Variants in ZNF521 observed in about 807,000 individuals in gnomAD.
The protein encoded by ZNF521 is zinc finger protein 521, also known as LYST-interacting protein 3.
ZNF521 carries 14 observed loss-of-function variants against 105.5 expected under a neutral mutation model. The ratio of observed to expected loss-of-function variants is 0.13; its 90% CI spans 0.09 to 0.21. The LOEUF (loss-of-function observed/expected upper bound fraction) is 0.21. Among genes scored for constraint, ZNF521 ranks in the 10% least tolerant of loss-of-function variants. The pLI, the probability that ZNF521 is intolerant of heterozygous loss-of-function variation, is 1.00. For missense variants in ZNF521, 1,233 were observed against 1,629.7 expected, an observed-to-expected ratio of 0.76 and a Z score of 4.19; for synonymous variants, 635 against 606.0, an observed-to-expected ratio of 1.05 and a Z score of -0.70.
chr18:25,078,141 C>T (rs550579304), intron 7 of ZNF521, among the ~76,000 whole-genome samples: 1 of 152,236 alleles, frequency 6.6e-6, no homozygotes, highest in East Asian at 1.9e-4. Context: ...AGGAGTTATT[C>T]AATCAGCCCG....
intron 2 of ZNF521, among the ~76,000 whole-genome samples, chr18:25,349,606 G>A (rs990906104): frequency 6.6e-6 from 1 of 152,030 alleles, no homozygotes; most frequent in South Asian, 2.1e-4. Context: ...CCGGGGGCCG[G>A]GAGGCGTGGG....
intron 3 of ZNF521, among the ~76,000 whole-genome samples, chr18:25,314,864 C>T (rs746096857): frequency 3.3e-5 from 5 of 152,202 alleles, no homozygotes; most frequent in Non-Finnish European, 5.9e-5. Context: ...TAGAGTATTA[C>T]CAAATGCACT....
intron 5 of ZNF521, among the ~76,000 whole-genome samples, chr18:25,130,764 G>A (rs1333363594): frequency 6.6e-6 from 1 of 151,962 alleles, no homozygotes; most frequent in Non-Finnish European, 1.5e-5. Flanking sequence ...GCAACATAGC[G>A]AGACCCCATC....
rs539017042 is a variant in ZNF521 at position 25,188,444 on chromosome 18, G to A, written c.3658+6716C>T. On this transcript the variant is annotated intron_variant, in intron 5 of 7. Transcript: ENST00000361524. ...ACCTTTTCCTTTGATGTGTGTGAAC[G>A]GATTCTGTGGAAATAGGTCACGATG... Among the ~76,000 whole-genome samples the A allele has an allele frequency of 3.3e-5, 5 of 152,262 alleles. No individual in the cohort carries two copies. In the South Asian group the frequency reaches 1.0e-3, roughly 32 times the overall value.
At chr18:25,349,600 G>C (rs1914617805) in intron 2 of ZNF521, among the ~76,000 whole-genome samples, 1 of 152,108 alleles carries the variant, frequency 6.6e-6, no homozygotes, top group Non-Finnish European at 1.5e-5. Flanking sequence ...CAGCGGCCGG[G>C]GGCCGGGAGG....
chr18:25,162,086 G>A (rs924428351), intron 5 of ZNF521, among the ~76,000 whole-genome samples: 6 of 152,050 alleles, frequency 3.9e-5, no homozygotes, highest in Non-Finnish European at 8.8e-5. Flanking sequence ...TCCATTGCTG[G>A]GTCACTCTTT....
chr18:25,240,508 A>G (rs1907239634), intron 3 of ZNF521, among the ~76,000 whole-genome samples: 2 of 152,202 alleles, frequency 1.3e-5, no homozygotes, highest in Non-Finnish European at 2.9e-5. Context: ...CATAAACACG[A>G]GAGGGCTGTC....
chr18:25,256,256 G>A (rs1908494808), intron 3 of ZNF521, among the ~76,000 whole-genome samples: 1 of 151,890 alleles, frequency 6.6e-6, no homozygotes, highest in Non-Finnish European at 1.5e-5. Context: ...AGGGGCTGGG[G>A]AGAGACGGAG....
At chr18:25,097,157 C>T (rs957169120) in intron 5 of ZNF521, among the ~76,000 whole-genome samples, 14 of 152,092 alleles carry the variant, frequency 9.2e-5, no homozygotes, top group African/African-American at 3.4e-4. Context: ...TACATTGGCT[C>T]GCCCTAGAAA....
At chr18:25,073,941 A>G (rs1442430713) in intron 7 of ZNF521, among the ~76,000 whole-genome samples, 1 of 152,140 alleles carries the variant, frequency 6.6e-6, no homozygotes, top group Non-Finnish European at 1.5e-5. Context: ...TGCTTTGGTA[A>G]AGATATATAA....
In ZNF521 at chr18:25,185,223, G is replaced by A. The variant is rs146188297; in HGVS notation, c.3658+9937C>T. Among the ~76,000 whole-genome samples the A allele has an allele frequency of 3.1e-4, 47 of 152,114 alleles. 1 individual carries two copies. In the East Asian group the frequency reaches 7.0e-3, roughly 23 times the overall value. ...AGATTTATAACATCTATACAAAATG[G>A]GTGAAAAGAAATGTCTCACTTTTAT... On this transcript the variant is annotated intron_variant, in intron 5 of 7. Coordinates refer to ENST00000361524, the MANE Select transcript of ZNF521 (RefSeq NM_015461.3).
chr18:25,188,287 C>T (rs995228002), intron 5 of ZNF521, among the ~76,000 whole-genome samples: 3 of 152,174 alleles, frequency 2.0e-5, no homozygotes, highest in Non-Finnish European at 4.4e-5. Flanking sequence ...GAAACCCCAT[C>T]AGCTCACCAA....
intron 3 of ZNF521, among the ~76,000 whole-genome samples, chr18:25,258,173 G>T (rs772455485): frequency 6.6e-6 from 1 of 152,092 alleles, no homozygotes; most frequent in Non-Finnish European, 1.5e-5. Flanking sequence ...CTTCCTGTTC[G>T]TTACCTTCTT....
At chr18:25,300,360 A>C (rs929333503) in intron 3 of ZNF521, among the ~76,000 whole-genome samples, 1 of 152,196 alleles carries the variant, frequency 6.6e-6, no homozygotes, top group African/African-American at 2.4e-5. Context: ...GCAATAAATA[A>C]CTGTAACAAT....
chr18:25,080,708 C>T (rs2033474773), intron 7 of ZNF521, among the ~76,000 whole-genome samples: 1 of 152,224 alleles, frequency 6.6e-6, no homozygotes, highest in Non-Finnish European at 1.5e-5. Flanking sequence ...CCCATGATTA[C>T]TATCTTTCTT....
intron 7 of ZNF521, chr18:25,082,802 A>ATTGCAC (rs1184912762): frequency 1.2e-5 from 2 of 169,012 alleles, no homozygotes; most frequent in Admixed American, 8.1e-5. Context: ...AGATGGTGCC[A>ATTGCAC]TTGCACTCCA....
At chr18:25,137,755 G>A (rs1048291180) in intron 5 of ZNF521, among the ~76,000 whole-genome samples, 2 of 152,096 alleles carry the variant, frequency 1.3e-5, no homozygotes, top group Admixed American at 1.3e-4. Context: ...GACAGACATC[G>A]AGTCCAACGC....
intron 3 of ZNF521, among the ~76,000 whole-genome samples, chr18:25,273,121 G>A (rs568586178): frequency 3.0e-4 from 44 of 147,754 alleles, no homozygotes; most frequent in African/African-American, 8.8e-4. Flanking sequence ...CAGCTACTTC[G>A]GGGGCTAAGG....
chr18:25,081,090 A>G (rs567557169), intron 7 of ZNF521, among the ~76,000 whole-genome samples: 87 of 137,634 alleles, frequency 6.3e-4, no homozygotes, highest in African/African-American at 2.1e-3. Flanking sequence ...AGCAGAGCCC[A>G]GCCAAAGCAG....
Sources: allele counts gnomAD v4.1 joint callset (sites outside exome capture counted in the v4.1 genomes callset), GRCh38; gene constraint gnomAD v4.1.1; transcripts MANE v1.5; gene names NCBI Gene and HGNC (gene_info 2026-07-23, HGNC 2026-07-21).